Variants in CCDC18 observed in about 807,000 individuals in gnomAD.
The protein encoded by CCDC18 is coiled-coil domain-containing protein 18.
A neutral mutation model predicts 196.0 loss-of-function variants in CCDC18; 157 were observed. That is an observed-to-expected ratio of 0.80 (90% CI 0.70 to 0.91). CCDC18 has a LOEUF of 0.91. Among genes scored for constraint, CCDC18 ranks in the 40% least tolerant of loss-of-function variants. The probability of loss-of-function intolerance (pLI) is 0.00; values close to 1 mark genes in which losing one functional copy is unlikely to be tolerated. For missense variants in CCDC18, 1,465 were observed against 1,611.6 expected, an observed-to-expected ratio of 0.91 and a Z score of 1.56; for synonymous variants, 482 against 529.2, an observed-to-expected ratio of 0.91 and a Z score of 1.22.
At chr1:93,271,029 C>T in intron 28 of CCDC18, 1 of 983,140 alleles carries the variant, frequency 1.0e-6, no homozygotes, top group Non-Finnish European at 1.2e-6. Context: ...CAGAGGGAGA[C>T]AGAACAGGAA....
At chr1:93,271,831 T>G (rs1665291123) in intron 28 of CCDC18, among the ~76,000 whole-genome samples, 1 of 152,222 alleles carries the variant, frequency 6.6e-6, no homozygotes, top group South Asian at 2.1e-4. Flanking sequence ...CCTCTTTTTC[T>G]TCAGCTTTTG....
intron 7 of CCDC18, among the ~76,000 whole-genome samples, chr1:93,202,771 CATG>C (rs1259413567): frequency 6.6e-6 from 1 of 152,156 alleles, no homozygotes; most frequent in Non-Finnish European, 1.5e-5. Context: ...ATACATAACA[CATG>C]ATACCTATCC....
chr1:93,221,954 T>C lies in CCDC18; in HGVS notation c.2175+18T>C. The C allele has an allele frequency of 6.7e-7, 1 of 1,484,384 alleles. No homozygotes were observed. The allele number at this position is 1,484,384 out of a possible 1,614,324, so 92.0% of individuals were successfully genotyped here. ...CAATCAAGGCTAGTATGCTAATACT[T>C]TATTTTTCTTTCTTTCCTTTTTTTT... On this transcript the variant is annotated intron_variant, in intron 16 of 28. Coordinates refer to ENST00000690025, the MANE Select transcript of CCDC18 (RefSeq NM_001378204.1).
chr1:93,209,066 C>T (rs1288234880), intron 9 of CCDC18, among the ~76,000 whole-genome samples: 2 of 152,184 alleles, frequency 1.3e-5, no homozygotes, highest in Non-Finnish European at 2.9e-5. Flanking sequence ...TCAAGCGATT[C>T]TCCTGCCTCA....
chr1:93,239,502 G>C, intron 20 of CCDC18, 29 bp downstream of exon 20: 2 of 1,582,596 alleles, frequency 1.3e-6, no homozygotes, highest in Non-Finnish European at 8.6e-7. Context: ...GAGTATAGCT[G>C]CCTATGTATT....
At chr1:93,193,155 C>A (rs1482024245) in intron 5 of CCDC18, among the ~76,000 whole-genome samples, 1 of 151,818 alleles carries the variant, frequency 6.6e-6, no homozygotes, top group Admixed American at 6.6e-5. Flanking sequence ...ATGGTATTAT[C>A]AGCAAATAAA....
At chr1:93,271,714 A>C (rs935580635) in intron 28 of CCDC18, 3 of 162,140 alleles carry the variant, frequency 1.9e-5, no homozygotes, top group Admixed American at 1.3e-4. Context: ...CTACCTCCTT[A>C]CTACCCTTCC....
intron 28 of CCDC18, among the ~76,000 whole-genome samples, chr1:93,277,380 A>G (rs1294007522): frequency 4.6e-5 from 3 of 65,290 alleles, no homozygotes; most frequent in African/African-American, 2.7e-4. Context: ...CCACGAGGCC[A>G]TATTTCAGAC....
intron 23 of CCDC18, among the ~76,000 whole-genome samples, chr1:93,249,549 T>C (rs1249557513): frequency 6.6e-6 from 1 of 152,196 alleles, no homozygotes; most frequent in Non-Finnish European, 1.5e-5. Context: ...CAAGACCAAC[T>C]TGAACTTACC....
intron 3 of CCDC18, among the ~76,000 whole-genome samples, chr1:93,185,443 G>A (rs773669672): frequency 6.6e-6 from 1 of 151,886 alleles, no homozygotes; most frequent in Non-Finnish European, 1.5e-5. Context: ...AATAGTTCAA[G>A]TATCCAGTAA....
At chr1:93,227,972 ATATATATAT>A (rs1658668576) in intron 17 of CCDC18, among the ~76,000 whole-genome samples, 1 of 56,658 alleles carries the variant, frequency 1.8e-5, no homozygotes, top group Non-Finnish European at 3.0e-5. Context: ...AAAAAAAAAA[ATATATATAT>A]ATATATATTT....
intron 19 of CCDC18, 124 bp downstream of exon 19, chr1:93,236,514 C>G (rs957387334): frequency 1.6e-5 from 14 of 890,338 alleles, no homozygotes; most frequent in Middle Eastern, 3.2e-4. Context: ...GTCTGTGTTC[C>G]TATTGCATTT....
chr1:93,253,167 A>G (rs1662491205), intron 23 of CCDC18, among the ~76,000 whole-genome samples: 1 of 152,176 alleles, frequency 6.6e-6, no homozygotes, highest in Non-Finnish European at 1.5e-5. Context: ...AAGCTCCTTC[A>G]CAGGATATTT....
intron 18 of CCDC18, among the ~76,000 whole-genome samples, chr1:93,232,923 A>G (rs371240636): frequency 6.6e-6 from 1 of 152,316 alleles, no homozygotes; most frequent in Non-Finnish European, 1.5e-5. Context: ...GTGAGCTGCA[A>G]TCGTGCCCTT....
intron 18 of CCDC18, 72 bp downstream of exon 18, chr1:93,232,665 C>T (rs661566): frequency 4.1e-6 from 5 of 1,231,854 alleles, no homozygotes; most frequent in Non-Finnish European, 4.5e-6. Flanking sequence ...ATAGATTTTT[C>T]GTTAGTTTTT....
At chr1:93,184,551 C>A (rs71652526) in intron 3 of CCDC18, among the ~76,000 whole-genome samples, 2,079 of 151,954 alleles carry the variant, frequency 0.014, 26 homozygotes, top group Middle Eastern at 0.024. Flanking sequence ...TGGCACTGTT[C>A]TCTTTTCATT....
rs562736263 is a variant in CCDC18 at position 93,183,398 on chromosome 1, A to G, written c.37A>G (p.Asn13Asp). ...SSSSDYYNKD[N>D]EEESLLANVA... ...TTCATCAGACTACTATAATAAAGACAATGAAGAGGAAAGTTTGCTTGCAAA... is the reference window on the plus strand; with the variant it reads ...TTCATCAGACTACTATAATAAAGACGATGAAGAGGAAAGTTTGCTTGCAAA... The change falls in exon 2 of 29, where the codon AAT (asparagine) becomes GAT (aspartate). Residue 13 changes from asparagine to aspartate, a missense_variant. Transcript: ENST00000690025. 1.2e-6 allele frequency: 2 copies of G among 1,602,012 alleles called. No individual in the cohort carries two copies. The highest frequency in any genetic ancestry group is 2.2e-5 in the South Asian group (2 of 89,620).
chr1:93,211,975 C>A, intron 10 of CCDC18, 126 bp from the exon 11 acceptor site: 2 of 793,630 alleles, frequency 2.5e-6, no homozygotes, highest in Non-Finnish European at 2.0e-6. Context: ...TCATATCCTG[C>A]CTAAAGAGTT....
Position 93,256,335 on chromosome 1 carries a change from G to A in CCDC18, c.3343G>A (p.Val1115Ile). 6.2e-7 allele frequency: 1 copy of A among 1,613,104 alleles called. No individual in the cohort carries two copies. Among genetic ancestry groups the A allele is most frequent in the Non-Finnish European group, 8.5e-7 (1 of 1,179,240 alleles). Residue 1115 changes from valine (V) to isoleucine (I), a missense_variant and splice_region_variant, in exon 25 of 29, where the codon GTT becomes ATT. Coordinates refer to ENST00000690025, the MANE Select transcript of CCDC18 (RefSeq NM_001378204.1). ...TQQRMKEMES[V>I]MKEQEQYIAT... Reference sequence around the variant, plus strand: ...CCTACAAATACCTTATGCTTTTCAGGTTATGAAAGAGCAAGAACAGTACAT... The same window carrying A: ...CCTACAAATACCTTATGCTTTTCAGATTATGAAAGAGCAAGAACAGTACAT...
Sources: allele counts gnomAD v4.1 joint callset (sites outside exome capture counted in the v4.1 genomes callset), GRCh38; gene constraint gnomAD v4.1.1; transcripts MANE v1.5; gene names NCBI Gene and HGNC (gene_info 2026-07-23, HGNC 2026-07-21).